MCC: variants seen among roughly 807,000 people sequenced by gnomAD.
MCC encodes colorectal mutant cancer protein.
A neutral mutation model predicts 116.2 loss-of-function variants in MCC; 90 were observed. The ratio of observed to expected loss-of-function variants is 0.77; its 90% CI spans 0.65 to 0.92. MCC has a LOEUF of 0.92. Among genes scored for constraint, MCC ranks in the 40% least tolerant of loss-of-function variants. MCC has a pLI of 0.00. For synonymous variants in MCC, 578 were observed against 510.5 expected, an observed-to-expected ratio of 1.13 and a Z score of -1.78; for missense variants, 1,516 against 1,312.2, an observed-to-expected ratio of 1.16 and a Z score of -2.40.
At chr5:113,295,931 A>C (rs1001381026) in intron 3 of MCC, among the ~76,000 whole-genome samples, 7 of 152,228 alleles carry the variant, frequency 4.6e-5, no homozygotes, top group African/African-American at 1.4e-4. Context: ...CCTTCTGTGA[A>C]AAAGCCATTG....
intron 5 of MCC, among the ~76,000 whole-genome samples, chr5:113,139,758 A>G (rs1400981120): frequency 6.6e-6 from 1 of 152,204 alleles, no homozygotes; most frequent in African/African-American, 2.4e-5. Flanking sequence ...TACTGGGTAT[A>G]TACCCAAAGG....
intron 3 of MCC, among the ~76,000 whole-genome samples, chr5:113,274,533 T>A (rs1418453860): frequency 6.6e-6 from 1 of 152,156 alleles, no homozygotes; most frequent in Non-Finnish European, 1.5e-5. Flanking sequence ...CTAATTTTTG[T>A]ATTTTTTAGT....
intron 17 of MCC, among the ~76,000 whole-genome samples, chr5:113,031,660 A>G (rs1484127005): frequency 6.6e-6 from 1 of 152,192 alleles, no homozygotes; most frequent in Admixed American, 6.5e-5. Flanking sequence ...CTGGGATGCT[A>G]CCTAGAGCAG....
At chr5:113,027,623 C>G in intron 18 of MCC, 141 bp from the exon 19 acceptor site, 1 of 810,786 alleles carries the variant, frequency 1.2e-6, no homozygotes, top group Non-Finnish European at 2.0e-6. Context: ...AATCTGAAAT[C>G]TAGTGGTCAG....
intron 14 of MCC, among the ~76,000 whole-genome samples, chr5:113,059,878 G>C (rs891956979): frequency 6.6e-6 from 1 of 152,196 alleles, no homozygotes; most frequent in Non-Finnish European, 1.5e-5. Context: ...CACTATAGGA[G>C]AAGCTGTTCA....
At chr5:113,242,391 G>A (rs1764405953) in intron 3 of MCC, among the ~76,000 whole-genome samples, 1 of 152,154 alleles carries the variant, frequency 6.6e-6, no homozygotes, top group South Asian at 2.1e-4. Context: ...TATAGAAGCT[G>A]AGAGAACCAG....
chr5:113,066,118 T>C lies in MCC; in HGVS notation c.2030-1951A>G, dbSNP rs1233107180. On this transcript the variant is annotated intron_variant, in intron 13 of 18. Coordinates refer to ENST00000408903, the MANE Select transcript of MCC (RefSeq NM_001085377.2). ...CATGAACTTCCCAGTATTAGGTAAATACAAAGCATTTCATTATTGATTTTG... is the reference window on the plus strand; with the variant it reads ...CATGAACTTCCCAGTATTAGGTAAACACAAAGCATTTCATTATTGATTTTG... Among the ~76,000 whole-genome samples the C allele has an allele frequency of 2.0e-5, 3 of 152,216 alleles. No individual in the cohort carries two copies. The East Asian group carries it at 5.8e-4, about 29-fold the overall frequency.
At chr5:113,174,243 C>T (rs1761213085) in intron 3 of MCC, among the ~76,000 whole-genome samples, 1 of 152,080 alleles carries the variant, frequency 6.6e-6, no homozygotes, top group Non-Finnish European at 1.5e-5. Flanking sequence ...AATCAATGTT[C>T]CCAACCTGTC....
intron 1 of MCC, among the ~76,000 whole-genome samples, chr5:113,466,006 G>A (rs1312035043): frequency 6.6e-6 from 1 of 151,378 alleles, no homozygotes. Flanking sequence ...GCGCGATCTC[G>A]GCTCACTGCA....
chr5:113,043,416 T>G, intron 17 of MCC, 114 bp downstream of exon 17: 3 of 953,092 alleles, frequency 3.1e-6, no homozygotes, highest in Non-Finnish European at 4.9e-6. Context: ...TTCCAAGACA[T>G]GGGTAAAGTG....
At chr5:113,373,963 G>A (rs1227860804) in intron 2 of MCC, among the ~76,000 whole-genome samples, 1 of 151,672 alleles carries the variant, frequency 6.6e-6, no homozygotes, top group Non-Finnish European at 1.5e-5. Context: ...ATGCAGTGGT[G>A]TGATCTCAGC....
chr5:113,275,732 T>C (rs1765796127), intron 3 of MCC, among the ~76,000 whole-genome samples: 1 of 152,158 alleles, frequency 6.6e-6, no homozygotes, highest in Non-Finnish European at 1.5e-5. Flanking sequence ...CTATTATAAG[T>C]AACTAGAGAT....
chr5:113,128,763 G>C (rs1260504869), intron 5 of MCC, among the ~76,000 whole-genome samples: 1 of 152,208 alleles, frequency 6.6e-6, no homozygotes, highest in South Asian at 2.1e-4. Context: ...CTTCTTTCTG[G>C]GTTTTATTTT....
chr5:113,357,227 A>G (rs1768435889), intron 2 of MCC, among the ~76,000 whole-genome samples: 1 of 152,226 alleles, frequency 6.6e-6, no homozygotes. Context: ...CTGATCAACA[A>G]ATGTTAGCCA....
At position 113,434,450 on chromosome 5, in the gene MCC, CA is replaced by C. The variant is rs765299679; in HGVS notation, c.171-49239del. 1.2e-6 allele frequency: 2 copies of C among 1,613,526 alleles called. No individual in the cohort carries two copies. The highest frequency in any genetic ancestry group is 2.2e-5 in the South Asian group (2 of 91,016). On this transcript the variant is annotated intron_variant, in intron 1 of 18. Transcript: ENST00000408903. The surrounding 1 kb of genome is among the most constrained non-coding windows in gnomAD (Gnocchi z 4.2). ...ACTTGAGGTCCCGGTGGACGACGTC[CA>C]GGTCGTGGCAGTACTTGATGGCCAA...
chr5:113,064,122 G>A lies in MCC; in HGVS notation c.2075C>T (p.Ala692Val), dbSNP rs767375752. 2 of 1,613,932 alleles carry A rather than the reference G, an allele frequency of 1.2e-6. No homozygotes were observed. The highest frequency in any genetic ancestry group is 1.7e-6 in the Non-Finnish European group (2 of 1,179,912). ...DENITQMLKRAHDCRKTAENA... is the reference protein window; with the variant it reads ...DENITQMLKRVHDCRKTAENA... ...CTCAGCTGTCTTCCGGCAGTCATGA[G>A]CTCGCTTGAGCATCTGAGTGATGTT... Residue 692 changes from alanine to valine, a missense_variant, in exon 14 of 19, where the codon GCT becomes GTT. Ala to Val is a moderately conservative substitution (Grantham distance 64). Coordinates refer to ENST00000408903, the MANE Select transcript of MCC (RefSeq NM_001085377.2).
chr5:113,154,672 C>A (rs10478113), intron 3 of MCC, among the ~76,000 whole-genome samples: 1 of 151,996 alleles, frequency 6.6e-6, no homozygotes, highest in South Asian at 2.1e-4. Context: ...TGTTTGTGAG[C>A]GATGCTACAT....
At chr5:113,271,316 T>C (rs1765610229) in intron 3 of MCC, among the ~76,000 whole-genome samples, 1 of 152,114 alleles carries the variant, frequency 6.6e-6, no homozygotes, top group African/African-American at 2.4e-5. Flanking sequence ...TCACAAATGG[T>C]TGGGTAAGGA....
At chr5:113,248,983 A>T (rs1016724300) in intron 3 of MCC, among the ~76,000 whole-genome samples, 1 of 152,072 alleles carries the variant, frequency 6.6e-6, no homozygotes, top group Non-Finnish European at 1.5e-5. Context: ...AGCTGGGATT[A>T]CAGGTGTGCA....
Sources: gnomAD v4.1 joint callset for allele counts (sites outside exome capture counted in the v4.1 genomes callset) on GRCh38, gnomAD v4.1.1 for gene constraint, Gnocchi (gnomAD v3.1) non-coding constraint, MANE v1.5 for transcripts, NCBI Gene and HGNC (gene_info 2026-07-23, HGNC 2026-07-21) for gene names.